LARP4B: variants seen among roughly 807,000 people sequenced by gnomAD.
The protein encoded by LARP4B is La ribonucleoprotein 4B, also known as la-related protein 4B.
LARP4B carries 12 observed loss-of-function variants against 89.8 expected under a neutral mutation model. The ratio of observed to expected loss-of-function variants is 0.13; its 90% CI spans 0.09 to 0.22. LARP4B has a LOEUF of 0.22. Among genes scored for constraint, LARP4B ranks in the 10% least tolerant of loss-of-function variants. LARP4B has a pLI of 1.00. For missense variants in LARP4B, 757 were observed against 947.7 expected (o/e 0.80, Z 2.64); for synonymous variants, 367 against 363.3 (o/e 1.01, Z -0.12).
chr10:984,954 A>G, the LARP4B span, among the ~76,000 whole-genome samples: 12 of 152,344 alleles, frequency 7.9e-5, no homozygotes, highest in East Asian at 1.2e-3. Flanking sequence ...ACAAACAAAC[A>G]AATACCAAAC....
chr10:846,327 C>T (rs146708929), intron 5 of LARP4B, among the ~76,000 whole-genome samples: 23 of 152,286 alleles, frequency 1.5e-4, no homozygotes, highest in Admixed American at 1.5e-3. Context: ...AGTAACTATA[C>T]ACATCATGTC....
intron 11 of LARP4B, among the ~76,000 whole-genome samples, chr10:827,223 C>T (rs1832677587): frequency 6.6e-6 from 1 of 151,992 alleles, no homozygotes; most frequent in Admixed American, 6.6e-5. Context: ...TTGCAGTGAG[C>T]CAAGATCCGG....
intron 5 of LARP4B, among the ~76,000 whole-genome samples, chr10:860,838 C>T (rs1002632201): frequency 2.0e-5 from 3 of 151,852 alleles, no homozygotes; most frequent in Non-Finnish European, 2.9e-5. Flanking sequence ...ATCTACGAAA[C>T]GCAAACTGAC....
rs928239857 is a variant in LARP4B at position 822,860 on chromosome 10, C to T, written c.1485-2015G>A. 3.3e-5 allele frequency among the ~76,000 whole-genome samples: 5 copies of T among 152,214 alleles called. No homozygotes were observed. The highest frequency in any genetic ancestry group is 7.3e-5 in the Non-Finnish European group (5 of 68,036). ...TGCCATTCAACCCAGCTGGGCCGTG[C>T]CCTGCCATGGCCGCCATGCAAGGGT... On this transcript the variant is annotated intron_variant, in intron 13 of 17. Transcript: ENST00000316157. The surrounding 1 kb of genome is among the most constrained non-coding windows in gnomAD (Gnocchi z 4.6).
Position 931,523 on chromosome 10 carries a change from A to AGAGAGACGGCAGG in LARP4B, c.-148_-136dup, listed in dbSNP as rs1224846225. On this transcript the variant is annotated 5_prime_UTR_variant, in exon 1 of 18. Coordinates refer to ENST00000316157, the MANE Select transcript of LARP4B (RefSeq NM_015155.3). ...CGCGCCACACGCGGGGACGGCGAGG[A>AGAGAGACGGCAGG]GAGAGACGGCAGGGAGAGGCGGCGC... is the stretch of plus-strand genomic sequence containing the variant. 16 of 147,122 alleles carry AGAGAGACGGCAGG rather than the reference A, an allele frequency of 1.1e-4. No individual in the cohort carries two copies. The highest frequency in any genetic ancestry group is 4.0e-4 in the African/African-American group (16 of 39,970). 9.1% of individuals were successfully genotyped at this position (147,122 alleles called of 1,614,324 possible).
chr10:811,207 AAAT>A lies in LARP4B; in HGVS notation c.*1716_*1718del, dbSNP rs1831733722. On this transcript the variant is annotated 3_prime_UTR_variant, in exon 18 of 18. Coordinates refer to ENST00000316157, the MANE Select transcript of LARP4B (RefSeq NM_015155.3). Reference sequence around the variant, plus strand: ...GAAAAAAGAAAATCTCAACAAATCAAAATAATATTCAAACCACAACATTTAGTT... The same window carrying A: ...GAAAAAAGAAAATCTCAACAAATCAAAATATTCAAACCACAACATTTAGTT... 1 of 152,650 alleles carries A rather than the reference AAAT, an allele frequency of 6.6e-6. No individual in the cohort carries two copies. Among genetic ancestry groups the A allele is most frequent in the Non-Finnish European group, 1.5e-5 (1 of 68,042 alleles). 9.5% of individuals were successfully genotyped at this position (152,650 alleles called of 1,614,324 possible). A position where few individuals can be genotyped will look rare whatever the true frequency, so the allele number is the denominator to read the frequency against.
upstream of LARP4B, among the ~76,000 whole-genome samples, chr10:935,722 C>CT (rs10711022): frequency 5.1e-3 from 426 of 83,874 alleles, 7 homozygotes; most frequent in East Asian, 0.02. Context: ...CTTTTCTTTT[C>CT]TTTTTTTTTT....
chr10:816,745 C>G (rs537623491), intron 15 of LARP4B, among the ~76,000 whole-genome samples: 1 of 152,350 alleles, frequency 6.6e-6, no homozygotes, highest in East Asian at 1.9e-4. Context: ...TGTACTCAAT[C>G]TCCAAACAGG....
chr10:972,703 T>C, the LARP4B span: 2 of 457,054 alleles, frequency 4.4e-6, no homozygotes, highest in African/African-American at 4.0e-5. Flanking sequence ...ACTGAGAATA[T>C]CAGGCATTCT....
At chr10:820,490 G>A (rs1195114191) in intron 14 of LARP4B, 6 of 306,590 alleles carry the variant, frequency 2.0e-5, no homozygotes, top group Non-Finnish European at 3.0e-5. Context: ...CCACACAGAA[G>A]AGCTCACGTG....
chr10:906,790 T>C (rs2070156749), intron 1 of LARP4B, among the ~76,000 whole-genome samples: 1 of 152,214 alleles, frequency 6.6e-6, no homozygotes, highest in Admixed American at 6.5e-5. Context: ...TTGACTCAGG[T>C]GCCCAAGGCA....
At chr10:958,018 A>G in the LARP4B span, among the ~76,000 whole-genome samples, 16 of 151,984 alleles carry the variant, frequency 1.1e-4, no homozygotes, top group African/African-American at 3.9e-4. Context: ...ACTGGTCTCA[A>G]ACTCCTGGGC....
chr10:897,689 A>G (rs1420654194), intron 1 of LARP4B, among the ~76,000 whole-genome samples: 1 of 152,126 alleles, frequency 6.6e-6, no homozygotes, highest in East Asian at 1.9e-4. Context: ...AACCCAACTT[A>G]AAAATTGGCA....
At chr10:964,307 T>C in the LARP4B span, among the ~76,000 whole-genome samples, 8 of 152,222 alleles carry the variant, frequency 5.3e-5, no homozygotes. Context: ...CCTCGTGATC[T>C]GCCCGCCTCG....
intron 3 of LARP4B, among the ~76,000 whole-genome samples, chr10:866,940 C>T (rs1834922937): frequency 6.6e-6 from 1 of 152,206 alleles, no homozygotes; most frequent in Non-Finnish European, 1.5e-5. Context: ...GCATTTTCCT[C>T]ACTGTAGTAC....
chr10:834,399 C>T (rs1286561057), intron 8 of LARP4B, among the ~76,000 whole-genome samples: 2 of 152,192 alleles, frequency 1.3e-5, no homozygotes, highest in African/African-American at 4.8e-5. Context: ...TGGGAAAATC[C>T]TATTTTTAAG....
chr10:946,874 T>G, the LARP4B span, among the ~76,000 whole-genome samples: 1 of 152,148 alleles, frequency 6.6e-6, no homozygotes, highest in African/African-American at 2.4e-5. Flanking sequence ...AAACACCATT[T>G]TTTTTTCCTT....
At chr10:928,217 C>T (rs1021171938) in intron 1 of LARP4B, among the ~76,000 whole-genome samples, 2 of 149,906 alleles carry the variant, frequency 1.3e-5, no homozygotes, top group African/African-American at 2.5e-5. Context: ...AGTGAAAGTC[C>T]GCCTCAGGAA....
At position 862,029 on chromosome 10, in the gene LARP4B, C is replaced by T. The variant is rs11253477; in HGVS notation, c.430+1714G>A. Among the ~76,000 whole-genome samples the T allele has an allele frequency of 6.4e-3, 969 of 152,230 alleles. 16 individuals carry two copies. Among genetic ancestry groups the T allele is most frequent in the African/African-American group, 0.022 (911 of 41,528 alleles). On this transcript the variant is annotated intron_variant, in intron 5 of 17. Transcript: ENST00000316157. The stretch of plus-strand genomic sequence containing the variant: ...GTTCTGCCATTCCCAAGTCACTAAC[C>T]AGTTACTGGTGAATTAACAAGGGGG...
Sources: allele counts gnomAD v4.1 joint callset (sites outside exome capture counted in the v4.1 genomes callset), GRCh38; gene constraint gnomAD v4.1.1; non-coding constraint Gnocchi (gnomAD v3.1); transcripts MANE v1.5; gene names NCBI Gene and HGNC (gene_info 2026-07-23, HGNC 2026-07-21).